ERC2: variants seen among roughly 807,000 people sequenced by gnomAD.
ERC2 encodes ERC protein 2.
Under a neutral mutation model 114.8 loss-of-function variants are expected in ERC2, and 42 were observed. The ratio of observed to expected loss-of-function variants is 0.37; its 90% CI spans 0.29 to 0.47. The LOEUF (loss-of-function observed/expected upper bound fraction) is 0.47. Among genes scored for constraint, ERC2 ranks in the 20% least tolerant of loss-of-function variants. ERC2 has a pLI of 0.99. For synonymous variants in ERC2, 454 were observed against 425.5 expected (o/e 1.07, Z -0.82); for missense variants, 939 against 1,150.7 (o/e 0.82, Z 2.66).
intron 13 of ERC2, among the ~76,000 whole-genome samples, chr3:55,889,329 G>C (rs1186108936): frequency 6.6e-6 from 1 of 152,170 alleles, no homozygotes; most frequent in African/African-American, 2.4e-5. Context: ...CAGGAAGCAA[G>C]GTTTGGCCAA....
intron 2 of ERC2, among the ~76,000 whole-genome samples, chr3:56,356,844 A>T (rs935626001): frequency 1.3e-5 from 2 of 152,264 alleles, no homozygotes; most frequent in African/African-American, 2.4e-5. Context: ...ATCTGGTTTA[A>T]TTTTCCTATG....
chr3:56,374,210 C>G (rs1341621002), intron 2 of ERC2, among the ~76,000 whole-genome samples: 1 of 152,176 alleles, frequency 6.6e-6, no homozygotes, highest in Non-Finnish European at 1.5e-5. Context: ...CATTCTCCTG[C>G]CTCAGCCTCC....
chr3:56,252,034 T>A (rs1002173545), intron 3 of ERC2, among the ~76,000 whole-genome samples: 5 of 152,138 alleles, frequency 3.3e-5, no homozygotes, highest in Admixed American at 2.0e-4. Context: ...ATGGCAGGTG[T>A]GTCTTTGTAA....
intron 15 of ERC2, among the ~76,000 whole-genome samples, chr3:55,702,353 G>A (rs2063267783): frequency 6.6e-6 from 1 of 152,166 alleles, no homozygotes; most frequent in Admixed American, 6.5e-5. Context: ...AGAGAAGAGT[G>A]TGAAACAGAG....
At chr3:56,441,842 C>T (rs988547676) in intron 1 of ERC2, among the ~76,000 whole-genome samples, 1 of 152,190 alleles carries the variant, frequency 6.6e-6, no homozygotes, top group African/African-American at 2.4e-5. Context: ...CCACCATCCC[C>T]AGCCTTCCCT....
At chr3:55,767,686 T>C (rs1278404054) in intron 14 of ERC2, among the ~76,000 whole-genome samples, 3 of 152,204 alleles carry the variant, frequency 2.0e-5, no homozygotes, top group Non-Finnish European at 4.4e-5. Flanking sequence ...TAGGTGATGT[T>C]CTCCGGGAGT....
chr3:56,184,326 C>T (rs1401771033), intron 3 of ERC2, among the ~76,000 whole-genome samples: 1 of 152,122 alleles, frequency 6.6e-6, no homozygotes, highest in African/African-American at 2.4e-5. Context: ...TTAAGCAATG[C>T]AGAGACAGCA....
intron 12 of ERC2, among the ~76,000 whole-genome samples, chr3:55,957,274 A>G (rs1204910335): frequency 6.6e-6 from 1 of 152,152 alleles, no homozygotes; most frequent in East Asian, 1.9e-4. Flanking sequence ...GGGGACCAAG[A>G]GGCAGTGCAG....
intron 1 of ERC2, among the ~76,000 whole-genome samples, chr3:56,444,406 G>A (rs960607883): frequency 1.1e-4 from 17 of 152,048 alleles, no homozygotes; most frequent in African/African-American, 2.7e-4. Flanking sequence ...AATTAGTTGC[G>A]CAACACCCTT....
At chr3:55,930,733 C>T (rs1433999821) in intron 13 of ERC2, among the ~76,000 whole-genome samples, 1 of 152,148 alleles carries the variant, frequency 6.6e-6, no homozygotes, top group African/African-American at 2.4e-5. Flanking sequence ...GCAATGGCGA[C>T]AAAAGCCAAA....
At chr3:56,191,007 T>C (rs1575756218) in intron 3 of ERC2, among the ~76,000 whole-genome samples, 1 of 152,276 alleles carries the variant, frequency 6.6e-6, no homozygotes, top group East Asian at 1.9e-4. Flanking sequence ...AAAGGGTGTG[T>C]ATCCTGACAG....
intron 17 of ERC2, among the ~76,000 whole-genome samples, chr3:55,668,417 G>C (rs537718886): frequency 1.3e-5 from 2 of 152,338 alleles, no homozygotes; most frequent in African/African-American, 4.8e-5. Context: ...TGGTGGGGCA[G>C]AGAAAGACTA....
chr3:56,044,304 C>T (rs781433602), intron 7 of ERC2, among the ~76,000 whole-genome samples: 47 of 151,748 alleles, frequency 3.1e-4, no homozygotes, highest in Admixed American at 1.2e-3. Context: ...CAAGTTGATG[C>T]CTTTTCACAA....
intron 7 of ERC2, among the ~76,000 whole-genome samples, chr3:56,049,963 G>T (rs1300509250): frequency 6.6e-6 from 1 of 151,952 alleles, no homozygotes; most frequent in Non-Finnish European, 1.5e-5. Flanking sequence ...GCTAGACCCA[G>T]AAGGCTACAT....
chr3:56,110,556 A>G (rs1403530971), intron 6 of ERC2, among the ~76,000 whole-genome samples: 2 of 152,214 alleles, frequency 1.3e-5, no homozygotes, highest in Non-Finnish European at 2.9e-5. Context: ...TATATTTAAT[A>G]TAATGTACAT....
chr3:55,652,928 G>A (rs2148683365), intron 17 of ERC2, among the ~76,000 whole-genome samples: 1 of 151,080 alleles, frequency 6.6e-6, no homozygotes, highest in African/African-American at 2.4e-5. Context: ...AGAAACTGAG[G>A]CACAGACAGT....
chr3:55,677,963 C>T (rs2061890578), intron 17 of ERC2, among the ~76,000 whole-genome samples: 1 of 152,048 alleles, frequency 6.6e-6, no homozygotes, highest in South Asian at 2.1e-4. Context: ...ATCTCCAGTA[C>T]TAAGATGAAG....
chr3:55,980,850 G>A (rs918401103), intron 12 of ERC2, among the ~76,000 whole-genome samples: 4 of 151,980 alleles, frequency 2.6e-5, no homozygotes, highest in African/African-American at 9.7e-5. Context: ...CTTCAATTTT[G>A]CTGTTGTTGT....
At chr3:55,576,946 G>A (rs919841748) in intron 17 of ERC2, among the ~76,000 whole-genome samples, 2 of 152,244 alleles carry the variant, frequency 1.3e-5, no homozygotes, top group African/African-American at 4.8e-5. Flanking sequence ...CCAGAGGAGA[G>A]TCTTGCCGTG....
Sources: gnomAD v4.1 joint callset for allele counts (sites outside exome capture counted in the v4.1 genomes callset) on GRCh38, gnomAD v4.1.1 for gene constraint, MANE v1.5 for transcripts, NCBI Gene and HGNC (gene_info 2026-07-23, HGNC 2026-07-21) for gene names.